DPP10: variants seen among roughly 807,000 people sequenced by gnomAD.
DPP10 encodes dipeptidyl peptidase like 10.
DPP10 carries 33 observed loss-of-function variants against 120.9 expected under a neutral mutation model. The ratio of observed to expected loss-of-function variants is 0.27; its 90% confidence interval spans 0.21 to 0.37. DPP10 has a LOEUF of 0.37. Among genes scored for constraint, DPP10 ranks in the 10% least tolerant of loss-of-function variants. The pLI, the probability that DPP10 is intolerant of heterozygous loss-of-function variation, is 1.00. For missense variants in DPP10, 816 were observed against 942.8 expected (o/e 0.87, Z 1.76); for synonymous variants, 337 against 326.1 (o/e 1.03, Z -0.36).
intron 1 of DPP10, among the ~76,000 whole-genome samples, chr2:114,755,351 T>A (rs1257436411): frequency 6.6e-6 from 1 of 152,198 alleles, no homozygotes; most frequent in East Asian, 1.9e-4. Flanking sequence ...TGGAGTGCAA[T>A]GGCACAATCA....
At chr2:115,630,653 A>G (rs1480231729) in intron 5 of DPP10, among the ~76,000 whole-genome samples, 1 of 152,152 alleles carries the variant, frequency 6.6e-6, no homozygotes. Flanking sequence ...TTCTGCATCT[A>G]TTGAGAATCA....
rs528946163 is a variant in DPP10, at chr2:115,195,668, G to C, written c.61-113571G>C. ...AATTTAGATAACGAACCAAACTTGT[G>C]GACCTTTTTTGTTCATTTAGAAGTG... On this transcript the variant is annotated intron_variant, in intron 1 of 25. Transcript: ENST00000410059. 6.4e-4 allele frequency among the ~76,000 whole-genome samples: 98 copies of C among 152,204 alleles called. 1 individual carries two copies. The highest frequency in any genetic ancestry group is 9.3e-4 in the Non-Finnish European group (63 of 68,014).
At chr2:115,575,002 G>A (rs1484156985) in intron 5 of DPP10, among the ~76,000 whole-genome samples, 1 of 152,164 alleles carries the variant, frequency 6.6e-6, no homozygotes, top group Non-Finnish European at 1.5e-5. Flanking sequence ...CCTGAGAACT[G>A]GTTTTGCTAA....
intron 1 of DPP10, among the ~76,000 whole-genome samples, chr2:114,596,841 G>A (rs753613475): frequency 1.3e-5 from 2 of 151,928 alleles, no homozygotes; most frequent in Admixed American, 6.6e-5. Context: ...CTCTGCTGTT[G>A]TTACATTATC....
At chr2:115,810,069 A>G (rs1686455426) in intron 19 of DPP10, among the ~76,000 whole-genome samples, 2 of 152,014 alleles carry the variant, frequency 1.3e-5, no homozygotes, top group Admixed American at 6.6e-5. Flanking sequence ...AGGCTGAGGC[A>G]GGAGAATTGC....
chr2:114,895,311 G>A (rs1692874847), intron 1 of DPP10, among the ~76,000 whole-genome samples: 1 of 152,180 alleles, frequency 6.6e-6, no homozygotes, highest in Non-Finnish European at 1.5e-5. Flanking sequence ...TCGAAGAATT[G>A]AAGCACTATG....
chr2:114,738,993 C>T (rs1279581412), intron 1 of DPP10, among the ~76,000 whole-genome samples: 31 of 152,172 alleles, frequency 2.0e-4, no homozygotes, highest in Admixed American at 2.0e-3. Flanking sequence ...GTTCCCAGCA[C>T]TAGAAATAGA....
intron 1 of DPP10, among the ~76,000 whole-genome samples, chr2:115,136,618 T>G (rs2050665173): frequency 6.6e-6 from 1 of 151,918 alleles, no homozygotes; most frequent in Admixed American, 6.6e-5. Context: ...GGGAAATGCT[T>G]CTAACAATCA....
At chr2:115,407,686 ACTTT>A in intron 3 of DPP10, among the ~76,000 whole-genome samples, 1 of 151,756 alleles carries the variant, frequency 6.6e-6, no homozygotes, top group Non-Finnish European at 1.5e-5. Flanking sequence ...AAAAAAAAAT[ACTTT>A]TACCTTTTTG....
chr2:114,611,868 G>GCT (rs1693311779), intron 1 of DPP10, among the ~76,000 whole-genome samples: 1 of 152,144 alleles, frequency 6.6e-6, no homozygotes, highest in Non-Finnish European at 1.5e-5. Flanking sequence ...TCTACCACTA[G>GCT]CTCAGGGCAT....
chr2:114,535,992 C>A (rs1686451305), intron 1 of DPP10, among the ~76,000 whole-genome samples: 1 of 152,070 alleles, frequency 6.6e-6, no homozygotes, highest in Non-Finnish European at 1.5e-5. Flanking sequence ...CTTGGAGCAT[C>A]CTCCTTGTGC....
At position 115,205,648 on chromosome 2, in the gene DPP10, T is replaced by C. The variant is rs189179651; in HGVS notation, c.61-103591T>C. Among the ~76,000 whole-genome samples the C allele has an allele frequency of 2.6e-4, 40 of 152,194 alleles. No individual in the cohort carries two copies. In the East Asian group the frequency reaches 7.1e-3, roughly 27 times the overall value. ...AACCTCGGTGCCCATCAGTGGTGGA[T>C]TGGATAAAGGAAATGTGACACATAT... is the stretch of plus-strand genomic sequence containing the variant. On this transcript the variant is annotated intron_variant, in intron 1 of 25. Transcript: ENST00000410059.
chr2:114,731,449 G>A (rs1348497186), intron 1 of DPP10, among the ~76,000 whole-genome samples: 1 of 152,118 alleles, frequency 6.6e-6, no homozygotes, highest in Non-Finnish European at 1.5e-5. Context: ...CCCTGACAGT[G>A]CTCTTGGGGA....
At chr2:115,244,231 TATATATATAGAGAGAGAGAG>T (rs1559303039) in intron 1 of DPP10, among the ~76,000 whole-genome samples, 1 of 39,366 alleles carries the variant, frequency 2.5e-5, no homozygotes, top group African/African-American at 1.1e-4. Flanking sequence ...TATATATATA[TATATATATAGAGAGAGAGAG>T]AGAGAGAGAG....
At chr2:114,632,733 C>G (rs760810558) in intron 1 of DPP10, among the ~76,000 whole-genome samples, 1 of 151,944 alleles carries the variant, frequency 6.6e-6, no homozygotes, top group Non-Finnish European at 1.5e-5. Flanking sequence ...AGGATGGTCT[C>G]GATCTCCTGA....
intron 1 of DPP10, among the ~76,000 whole-genome samples, chr2:114,692,858 C>A (rs1559009415): frequency 1.3e-5 from 2 of 151,976 alleles, no homozygotes; most frequent in South Asian, 4.1e-4. Flanking sequence ...CTTTTGTGAT[C>A]TTTTTGGTTT....
chr2:115,170,292 A>G (rs1443124727), intron 1 of DPP10, among the ~76,000 whole-genome samples: 1 of 152,230 alleles, frequency 6.6e-6, no homozygotes, highest in African/African-American at 2.4e-5. Flanking sequence ...AAGTACTAGA[A>G]GTCTTTCATA....
intron 1 of DPP10, among the ~76,000 whole-genome samples, chr2:114,688,562 A>G (rs1285550902): frequency 1.3e-5 from 2 of 151,930 alleles, no homozygotes; most frequent in Non-Finnish European, 2.9e-5. Context: ...TTTCCCTTCT[A>G]TACTAAGCTA....
intron 21 of DPP10, among the ~76,000 whole-genome samples, chr2:115,817,853 C>T (rs1268018969): frequency 6.6e-6 from 1 of 151,556 alleles, no homozygotes; most frequent in Non-Finnish European, 1.5e-5. Flanking sequence ...CTGTATAATT[C>T]TACTTATTAC....
Sources: gnomAD v4.1 joint callset for allele counts (sites outside exome capture counted in the v4.1 genomes callset) on GRCh38, gnomAD v4.1.1 for gene constraint, MANE v1.5 for transcripts, NCBI Gene and HGNC (gene_info 2026-07-23, HGNC 2026-07-21) for gene names.